Variants in CALN1 observed in about 807,000 individuals in gnomAD.
CALN1 encodes calneuron 1.
In CALN1, 17 loss-of-function variants were observed where a neutral mutation model predicts 30.6. The observed-to-expected ratio is 0.56, with a 90% CI of 0.38 to 0.83. The LOEUF (loss-of-function observed/expected upper bound fraction) is 0.83. CALN1 is among the 40% of genes least tolerant of loss of function. CALN1 has a pLI of 0.00. For synonymous variants in CALN1, 156 were observed against 131.4 expected (o/e 1.19, Z -1.28); for missense variants, 291 against 354.9 (o/e 0.82, Z 1.45).
chr7:72,191,037 C>A (rs1244664797), intron 3 of CALN1, among the ~76,000 whole-genome samples: 4 of 152,168 alleles, frequency 2.6e-5, no homozygotes, highest in African/African-American at 9.7e-5. Context: ...ACGGCAAGAA[C>A]CAGGCATGAA....
intron 5 of CALN1, among the ~76,000 whole-genome samples, chr7:71,995,269 G>C (rs1799195785): frequency 6.6e-6 from 1 of 152,198 alleles, no homozygotes; most frequent in African/African-American, 2.4e-5. Context: ...CGTGCTGAAC[G>C]CACCTGGCTT....
intron 6 of CALN1, among the ~76,000 whole-genome samples, chr7:71,796,526 A>AT (rs994456153): frequency 1.3e-5 from 2 of 151,656 alleles, no homozygotes; most frequent in African/African-American, 4.8e-5. Context: ...CGCCCGGCTA[A>AT]TTTTTTGTAT....
At chr7:71,887,957 C>T (rs536986752) in intron 5 of CALN1, among the ~76,000 whole-genome samples, 3 of 152,050 alleles carry the variant, frequency 2.0e-5, no homozygotes, top group East Asian at 1.9e-4. Context: ...ACCTGGGACC[C>T]GCGGAGTTTG....
chr7:72,031,935 G>A (rs1210179762), intron 4 of CALN1, among the ~76,000 whole-genome samples: 1 of 151,030 alleles, frequency 6.6e-6, no homozygotes, highest in Non-Finnish European at 1.5e-5. Context: ...TAAAGACAGG[G>A]TTTTGCCATG....
At chr7:72,445,877 A>G (rs1808510764) in intron 1 of CALN1, among the ~76,000 whole-genome samples, 1 of 152,106 alleles carries the variant, frequency 6.6e-6, no homozygotes, top group Admixed American at 6.5e-5. Context: ...TTTGGGGGAA[A>G]ATCTCTACTC....
At chr7:72,383,830 C>G (rs1805051959) in intron 2 of CALN1, among the ~76,000 whole-genome samples, 1 of 152,110 alleles carries the variant, frequency 6.6e-6, no homozygotes. Context: ...CCCTGTTGTC[C>G]CATTAGCATC....
chr7:72,008,939 A>AG (rs1241589251), intron 5 of CALN1, among the ~76,000 whole-genome samples: 1 of 152,228 alleles, frequency 6.6e-6, no homozygotes, highest in Non-Finnish European at 1.5e-5. Context: ...TACAGGCGTG[A>AG]GCCACTGTGC....
intron 5 of CALN1, among the ~76,000 whole-genome samples, chr7:71,824,049 G>C (rs760057697): frequency 6.6e-6 from 1 of 152,084 alleles, no homozygotes; most frequent in African/African-American, 2.4e-5. Context: ...TACAATTCAA[G>C]ATGAGATTTG....
chr7:72,447,894 G>A (rs1261539525), upstream of CALN1, among the ~76,000 whole-genome samples: 1 of 138,864 alleles, frequency 7.2e-6, no homozygotes, highest in Admixed American at 7.2e-5. Context: ...CCACACACAC[G>A]TGCCTGCCCA....
At chr7:71,833,858 T>C (rs1039717916) in intron 5 of CALN1, among the ~76,000 whole-genome samples, 2 of 152,032 alleles carry the variant, frequency 1.3e-5, no homozygotes, top group Non-Finnish European at 2.9e-5. Context: ...GGCTGAGCTA[T>C]GATTGTGCTA....
intron 2 of CALN1, among the ~76,000 whole-genome samples, chr7:72,393,413 G>A (rs916757546): frequency 2.0e-5 from 3 of 152,136 alleles, no homozygotes; most frequent in African/African-American, 7.2e-5. Context: ...GCAGTGAGCC[G>A]AGATCGCGCC....
Position 72,403,354 on chromosome 7 carries a change from G to C in CALN1, c.16C>G (p.Gln6Glu), listed in dbSNP as rs1003263568. ...TTCTCGGGCTTCCCCTCTCCGGGTT[G>C]CTCTGGCAGCCGCATCGGGGGTCCA... MRLPE[Q>E]PGEGKPENEK... Residue 6 changes from glutamine to glutamate, a missense_variant, in exon 2 of 7, where the codon CAA becomes GAA. Physicochemically the swap from Gln to Glu is conservative, Grantham distance 29. This residue lies in a region of CALN1 where 122 missense variants were observed against 103.2 expected (regional missense o/e 1.18). Coordinates refer to ENST00000395275, the MANE Select transcript of CALN1 (RefSeq NM_031468.4). The C allele has an allele frequency of 6.5e-7, 1 of 1,547,848 alleles. No homozygotes were observed. Among genetic ancestry groups the C allele is most frequent in the Non-Finnish European group, 8.7e-7 (1 of 1,146,840 alleles).
chr7:72,044,787 T>C (rs893132112), intron 4 of CALN1, among the ~76,000 whole-genome samples: 2 of 151,692 alleles, frequency 1.3e-5, no homozygotes, highest in African/African-American at 2.4e-5. Flanking sequence ...AATTTTTTAT[T>C]TATTTAGTTA....
intron 2 of CALN1, among the ~76,000 whole-genome samples, chr7:72,302,885 G>A (rs1336831996): frequency 8.3e-6 from 1 of 120,076 alleles, no homozygotes; most frequent in African/African-American, 3.3e-5. Flanking sequence ...GAGAGAGAGT[G>A]AGGGTCTCAA....
In CALN1 at chr7:72,278,667, A is replaced by T. The variant is rs553816556; in HGVS notation, c.244+19T>A. ...CCCTGGGAGGGGGGCCATCCCCCCA[A>T]ACAGGGTAGGCTCCTTACCATCGAG... On this transcript the variant is annotated intron_variant, in intron 3 of 6. Coordinates refer to ENST00000395275, the MANE Select transcript of CALN1 (RefSeq NM_031468.4). The T allele has an allele frequency of 6.2e-6, 10 of 1,600,784 alleles. No individual in the cohort carries two copies. In the African/African-American group the frequency reaches 6.7e-5, roughly 11 times the overall value.
chr7:72,328,185 C>A lies in CALN1; in HGVS notation c.120-49375G>T, dbSNP rs562122835. On this transcript the variant is annotated intron_variant, in intron 2 of 6. Coordinates refer to ENST00000395275, the MANE Select transcript of CALN1 (RefSeq NM_031468.4). ...ACAAAACAGAGCCACTTATTGGGCA[C>A]CTTGTCAAAACATGTAATACAGTTT... 4.6e-5 allele frequency among the ~76,000 whole-genome samples: 7 copies of A among 152,240 alleles called. No individual in the cohort carries two copies. In the South Asian group the frequency reaches 8.3e-4, roughly 18 times the overall value.
At chr7:71,987,928 T>C (rs188434095) in intron 5 of CALN1, among the ~76,000 whole-genome samples, 3 of 152,196 alleles carry the variant, frequency 2.0e-5, no homozygotes, top group Admixed American at 1.3e-4. Context: ...GAGACCTCAC[T>C]CCTCGAATCC....
intron 3 of CALN1, among the ~76,000 whole-genome samples, chr7:72,114,946 ATC>A (rs1807862465): frequency 6.6e-6 from 1 of 151,874 alleles, no homozygotes; most frequent in African/African-American, 2.4e-5. Context: ...GTGAGCCAAG[ATC>A]ATATCATTGC....
chr7:72,157,811 T>C (rs1787811497), intron 3 of CALN1, among the ~76,000 whole-genome samples: 1 of 152,176 alleles, frequency 6.6e-6, no homozygotes. Flanking sequence ...TGGCACAATC[T>C]CGGCTCACTG....
Sources: allele counts gnomAD v4.1 joint callset (sites outside exome capture counted in the v4.1 genomes callset), GRCh38; gene constraint gnomAD v4.1.1; regional missense constraint gnomAD v4.1.1; transcripts MANE v1.5; gene names NCBI Gene and HGNC (gene_info 2026-07-23, HGNC 2026-07-21).